TENM3: variants seen among roughly 807,000 people sequenced by gnomAD.
TENM3 encodes the protein teneurin transmembrane protein 3.
Under a neutral mutation model 255.1 loss-of-function variants are expected in TENM3, and 63 were observed. That is an observed-to-expected ratio of 0.25 (90% CI 0.20 to 0.30). The LOEUF is 0.30. Among genes scored for constraint, TENM3 ranks in the 10% least tolerant of loss-of-function variants. TENM3 has a pLI of 1.00. For missense variants in TENM3, 2,929 were observed against 3,461.1 expected, an observed-to-expected ratio of 0.85 and a Z score of 3.86; for synonymous variants, 1,306 against 1,322.3, an observed-to-expected ratio of 0.99 and a Z score of 0.27.
intron 3 of TENM3, among the ~76,000 whole-genome samples, chr4:182,566,155 T>G (rs1170557767): frequency 1.3e-5 from 2 of 152,212 alleles, no homozygotes; most frequent in Non-Finnish European, 2.9e-5. Context: ...CTTCTTTCCC[T>G]TGGCCTTCAT....
At chr4:181,469,364 T>C in the TENM3 span, among the ~76,000 whole-genome samples, 1 of 152,212 alleles carries the variant, frequency 6.6e-6, no homozygotes, top group Non-Finnish European at 1.5e-5. Context: ...TCACTGCTAC[T>C]TTTATAAATT....
the TENM3 span, among the ~76,000 whole-genome samples, chr4:181,867,595 A>T: frequency 6.6e-6 from 1 of 152,256 alleles, no homozygotes; most frequent in Non-Finnish European, 1.5e-5. Context: ...CACCTGGTAC[A>T]TGCAAAGATA....
At chr4:182,073,277 TG>T in the TENM3 span, among the ~76,000 whole-genome samples, 2 of 152,138 alleles carry the variant, frequency 1.3e-5, no homozygotes, top group Non-Finnish European at 2.9e-5. Flanking sequence ...GAGAACAGCA[TG>T]GGGGAAACCA....
chr4:181,716,422 C>T, the TENM3 span, among the ~76,000 whole-genome samples: 1 of 152,260 alleles, frequency 6.6e-6, no homozygotes, highest in Non-Finnish European at 1.5e-5. Flanking sequence ...GTCTGTTTTA[C>T]ACATGTAGTA....
At chr4:182,292,907 G>C (rs904188146) in intron 1 of TENM3, among the ~76,000 whole-genome samples, 9 of 152,154 alleles carry the variant, frequency 5.9e-5, no homozygotes, top group Admixed American at 5.9e-4. Context: ...GTTAACTAGG[G>C]GGAGAGGTAG....
At chr4:181,617,653 T>C in the TENM3 span, among the ~76,000 whole-genome samples, 1 of 152,198 alleles carries the variant, frequency 6.6e-6, no homozygotes, top group Non-Finnish European at 1.5e-5. Context: ...TTGGAAGGTG[T>C]AAGCTGGGAG....
chr4:182,343,773 AGAAATAATC>A (rs1764628245), intron 2 of TENM3, among the ~76,000 whole-genome samples: 1 of 152,174 alleles, frequency 6.6e-6, no homozygotes, highest in Admixed American at 6.5e-5. Flanking sequence ...CTAGATTGCA[AGAAATAATC>A]GAATAGACTA....
At chr4:182,406,625 G>A (rs1158083547) in intron 3 of TENM3, among the ~76,000 whole-genome samples, 1 of 152,140 alleles carries the variant, frequency 6.6e-6, no homozygotes, top group East Asian at 1.9e-4. Context: ...TACAGTGGAT[G>A]TCTTTCTGTG....
At chr4:181,560,566 T>C in the TENM3 span, among the ~76,000 whole-genome samples, 1 of 151,796 alleles carries the variant, frequency 6.6e-6, no homozygotes, top group Non-Finnish European at 1.5e-5. Context: ...TATTCAAGTG[T>C]GTATGTCTAC....
chr4:181,560,830 T>C, the TENM3 span, among the ~76,000 whole-genome samples: 5 of 152,216 alleles, frequency 3.3e-5, no homozygotes, highest in Non-Finnish European at 7.3e-5. Flanking sequence ...GCTCTTTCTC[T>C]GCTCACGGTG....
chr4:182,628,918 T>C (rs1266721898), intron 5 of TENM3, 29 bp downstream of exon 5: 29 of 1,319,184 alleles, frequency 2.2e-5, no homozygotes, highest in Non-Finnish European at 2.8e-5. Flanking sequence ...AATTACTTTG[T>C]CTGTAAATCA....
At chr4:182,018,832 A>G in the TENM3 span, among the ~76,000 whole-genome samples, 5 of 152,334 alleles carry the variant, frequency 3.3e-5, no homozygotes, top group Admixed American at 6.5e-5. Context: ...ACATAACCTC[A>G]TCTGATTCTA....
At chr4:181,781,971 A>G in the TENM3 span, among the ~76,000 whole-genome samples, 2 of 152,168 alleles carry the variant, frequency 1.3e-5, no homozygotes, top group Non-Finnish European at 2.9e-5. Context: ...GATGAAGCCC[A>G]CTTGATCATG....
chr4:182,422,625 G>C (rs72995474), intron 3 of TENM3, among the ~76,000 whole-genome samples: 4,296 of 152,240 alleles, frequency 0.028, 200 homozygotes, highest in African/African-American at 0.097. Flanking sequence ...CCTTCTGAAG[G>C]AAGAACTTGA....
the TENM3 span, among the ~76,000 whole-genome samples, chr4:181,946,133 A>G: frequency 6.6e-6 from 1 of 152,138 alleles, no homozygotes; most frequent in Non-Finnish European, 1.5e-5. Context: ...ACCATTATAA[A>G]TGATGATGCA....
chr4:182,563,926 C>T (rs1743489491), intron 3 of TENM3, among the ~76,000 whole-genome samples: 1 of 152,140 alleles, frequency 6.6e-6, no homozygotes, highest in South Asian at 2.1e-4. Flanking sequence ...GTATCTCTTC[C>T]ATGCAGGTCT....
intron 1 of TENM3, among the ~76,000 whole-genome samples, chr4:182,150,342 C>A (rs1298407885): frequency 6.6e-6 from 1 of 151,858 alleles, no homozygotes; most frequent in Admixed American, 6.6e-5. Flanking sequence ...GGGTGTGTGA[C>A]AGGAAAAGCA....
chr4:181,509,429 C>T, the TENM3 span, among the ~76,000 whole-genome samples: 5 of 151,038 alleles, frequency 3.3e-5, no homozygotes, highest in South Asian at 6.3e-4. Context: ...TATTTTTGTT[C>T]GATCTCTTTG....
intron 1 of TENM3, among the ~76,000 whole-genome samples, chr4:182,177,958 G>GTTTTTT (rs56256529): frequency 4.8e-4 from 56 of 117,112 alleles, no homozygotes; most frequent in Middle Eastern, 4.7e-3. Context: ...TTTGGTTTTT[G>GTTTTTT]TTTTTTTTTT....
Sources: gnomAD v4.1 joint callset for allele counts (sites outside exome capture counted in the v4.1 genomes callset) on GRCh38, gnomAD v4.1.1 for gene constraint, MANE v1.5 for transcripts, NCBI Gene and HGNC (gene_info 2026-07-23, HGNC 2026-07-21) for gene names.